Variants in PHACTR2 observed in about 807,000 individuals in gnomAD.
PHACTR2 encodes the protein phosphatase and actin regulator 2, also known as chromosome 6 open reading frame 56.
PHACTR2 carries 30 observed loss-of-function variants against 76.0 expected under a neutral mutation model. That is an observed-to-expected ratio of 0.39 (90% CI 0.30 to 0.54). The LOEUF is 0.54. Among genes scored for constraint, PHACTR2 ranks in the 20% least tolerant of loss-of-function variants. The probability of loss-of-function intolerance (pLI) is 0.61; values close to 1 mark genes in which losing one functional copy is unlikely to be tolerated. For missense variants in PHACTR2, 696 were observed against 781.1 expected (o/e 0.89, Z 1.30); for synonymous variants, 292 against 292.5 (o/e 1.00, Z 0.02).
chr6:143,597,826 G>A lies in PHACTR2; in HGVS notation c.217+60619G>A, dbSNP rs12204353. 6.6e-6 allele frequency among the ~76,000 whole-genome samples: 1 copy of A among 151,904 alleles called. No individual in the cohort carries two copies. Among genetic ancestry groups the A allele is most frequent in the Non-Finnish European group, 1.5e-5 (1 of 67,980 alleles). On this transcript the variant is annotated intron_variant, in intron 1 of 11. Coordinates refer to the PHACTR2 transcript ENST00000367584. This position sits in a 1 kb window ranked among gnomAD's most constrained non-coding sequence, Gnocchi z 5.7. ...TATTGACATTCTTTTTTATAATTTCGCTACCATTTTATCCTGAGAAATTCT... is the reference window on the plus strand; with the variant it reads ...TATTGACATTCTTTTTTATAATTTCACTACCATTTTATCCTGAGAAATTCT...
At chr6:143,638,405 C>T (rs1335243377) in intron 1 of PHACTR2, among the ~76,000 whole-genome samples, 1 of 151,972 alleles carries the variant, frequency 6.6e-6, no homozygotes, top group Non-Finnish European at 1.5e-5. Context: ...ATTAGCTGGG[C>T]ATGGTGGTGC....
In PHACTR2 at chr6:143,793,302, A is replaced by G. The variant is rs1354476444; in HGVS notation, c.1845+4392A>G. ...AATTTTATGTTGAAACAAAAATGGG[A>G]TTTTGTTCTGGACTTCTAGGTTGCA... On this transcript the variant is annotated intron_variant, in intron 11 of 12. Coordinates refer to ENST00000440869, the MANE Select transcript of PHACTR2 (RefSeq NM_001100164.2). This position sits in a 1 kb window ranked among gnomAD's most constrained non-coding sequence, Gnocchi z 4.4. Among the ~76,000 whole-genome samples, 1 of 151,780 alleles carries G rather than the reference A, an allele frequency of 6.6e-6. No homozygotes were observed. The highest frequency in any genetic ancestry group is 1.5e-5 in the Non-Finnish European group (1 of 67,948).
chr6:143,682,672 T>A (rs1181547534), intron 1 of PHACTR2, among the ~76,000 whole-genome samples: 1 of 152,220 alleles, frequency 6.6e-6, no homozygotes, highest in African/African-American at 2.4e-5. Flanking sequence ...ATTTTTTTCT[T>A]ACTTAATAGT....
Position 143,704,622 on chromosome 6 carries a change from C to T in PHACTR2, c.47-7394C>T, listed in dbSNP as rs138141006. On this transcript the variant is annotated intron_variant, in intron 1 of 12. Transcript: ENST00000440869. ...TTATATCAGCATGATACATTTGTTA[C>T]AACCAAGGAACAAACACTGATACTA... 3.4e-3 allele frequency among the ~76,000 whole-genome samples: 511 copies of T among 152,274 alleles called. 1 individual carries two copies. Among genetic ancestry groups the T allele is most frequent in the Non-Finnish European group, 5.8e-3 (392 of 68,016 alleles).
At chr6:143,815,758 G>T (rs1776282412) in intron 12 of PHACTR2, among the ~76,000 whole-genome samples, 1 of 152,034 alleles carries the variant, frequency 6.6e-6, no homozygotes, top group African/African-American at 2.4e-5. Context: ...CGGGCATGGT[G>T]GTGCATGCCT....
intron 1 of PHACTR2, among the ~76,000 whole-genome samples, chr6:143,626,763 CA>C (rs1428844011): frequency 6.6e-6 from 1 of 152,022 alleles, no homozygotes; most frequent in Non-Finnish European, 1.5e-5. Flanking sequence ...CTATGTACAC[CA>C]GGGGCATGAT....
Position 143,777,288 on chromosome 6 carries a change from C to G in PHACTR2, c.1590-40C>G, listed in dbSNP as rs1775305387. The G allele has an allele frequency of 8.7e-7, 1 of 1,153,834 alleles. No individual in the cohort carries two copies. Among genetic ancestry groups the G allele is most frequent in the African/African-American group, 1.6e-5 (1 of 64,440 alleles). 71.5% of individuals were successfully genotyped at this position (1,153,834 alleles called of 1,614,324 possible). A position where few individuals can be genotyped will look rare whatever the true frequency, so the allele number is the denominator to read the frequency against. ...TATTCTGAGTCTCCTACTAGGGTAC[C>G]TTGTTTTTAACCTGTAATATATCCT... On this transcript the variant is annotated intron_variant, in intron 8 of 12. Coordinates refer to ENST00000440869, the MANE Select transcript of PHACTR2 (RefSeq NM_001100164.2). This position sits in a 1 kb window ranked among gnomAD's most constrained non-coding sequence, Gnocchi z 4.6.
chr6:143,747,336 T>C (rs1779088438), intron 2 of PHACTR2, among the ~76,000 whole-genome samples: 1 of 152,210 alleles, frequency 6.6e-6, no homozygotes, highest in Non-Finnish European at 1.5e-5. Flanking sequence ...CTGTGGCACA[T>C]GCAATTAGCA....
rs1777298440 is a variant in PHACTR2, at chr6:143,678,277, CAGG to C, written c.46+69_46+71del. 3 of 1,369,050 alleles carry C rather than the reference CAGG, an allele frequency of 2.2e-6. No homozygotes were observed. In the South Asian group the frequency reaches 5.1e-5, roughly 23 times the overall value. The allele number at this position is 1,369,050 out of a possible 1,614,324, so 84.8% of individuals were successfully genotyped here. On this transcript the variant is annotated intron_variant, in intron 1 of 12. Coordinates refer to ENST00000440869, the MANE Select transcript of PHACTR2 (RefSeq NM_001100164.2). This position sits in a 1 kb window ranked among gnomAD's most constrained non-coding sequence, Gnocchi z 6.2. ...CAGGGCTGGCGGCGGGGCCCCGGGG[CAGG>C]CAGGGTTAGTCGTCTGGTCGGGTTC...
chr6:143,813,592 T>G, intron 12 of PHACTR2, among the ~76,000 whole-genome samples: 1 of 120,336 alleles, frequency 8.3e-6, no homozygotes, highest in East Asian at 2.4e-4. Context: ...CACTCCAGCC[T>G]GGGCAACAGA....
intron 2 of PHACTR2, among the ~76,000 whole-genome samples, chr6:143,717,412 A>T (rs1221724368): frequency 6.6e-6 from 1 of 152,216 alleles, no homozygotes; most frequent in Non-Finnish European, 1.5e-5. Context: ...TACGTAAAGT[A>T]TTTAAGGGCA....
chr6:143,665,291 G>T (rs1436704189), intron 1 of PHACTR2, among the ~76,000 whole-genome samples: 1 of 152,138 alleles, frequency 6.6e-6, no homozygotes, highest in African/African-American at 2.4e-5. Context: ...CTTAAAGTGG[G>T]ATTTGCCTTT....
chr6:143,716,150 A>G (rs1174491995), intron 2 of PHACTR2, among the ~76,000 whole-genome samples: 1 of 152,206 alleles, frequency 6.6e-6, no homozygotes, highest in Non-Finnish European at 1.5e-5. Flanking sequence ...TGACTTTACA[A>G]GTATCAAGCC....
chr6:143,679,565 C>T lies in PHACTR2; in HGVS notation c.46+1356C>T, dbSNP rs1056117097. Among the ~76,000 whole-genome samples, 2 of 151,836 alleles carry T rather than the reference C, an allele frequency of 1.3e-5. No homozygotes were observed. Among genetic ancestry groups the T allele is most frequent in the East Asian group, 1.9e-4 (1 of 5,198 alleles). ...TTATATTTTTACATTTGTGCACCGG[C>T]GAAGATAGAATTAAATCTGTACTCC... On this transcript the variant is annotated intron_variant, in intron 1 of 12. Coordinates refer to ENST00000440869, the MANE Select transcript of PHACTR2 (RefSeq NM_001100164.2). The surrounding 1 kb of genome is among the most constrained non-coding windows in gnomAD (Gnocchi z 4.6).
At chr6:143,587,270 G>C (rs59376506) in intron 1 of PHACTR2, among the ~76,000 whole-genome samples, 232 of 152,124 alleles carry the variant, frequency 1.5e-3, no homozygotes, top group African/African-American at 5.1e-3. Flanking sequence ...ATGAATCTTC[G>C]GCCAACAACT....
At chr6:143,711,312 A>C (rs994051081) in intron 1 of PHACTR2, among the ~76,000 whole-genome samples, 13 of 152,236 alleles carry the variant, frequency 8.5e-5, no homozygotes, top group Non-Finnish European at 1.3e-4. Context: ...TTGGTGTAAC[A>C]TAAGTCATTG....
In PHACTR2 at chr6:143,581,646, A is replaced by G. The variant is rs985410756; in HGVS notation, c.217+44439A>G. On this transcript the variant is annotated intron_variant, in intron 1 of 11. Transcript: ENST00000367584. The surrounding 1 kb of genome is among the most constrained non-coding windows in gnomAD (Gnocchi z 4.5). ...GGAGTTTGAGACCAGGCTGGGCAAC[A>G]TGATGAAACCCTGTCTCTACCAAAA... Among the ~76,000 whole-genome samples the G allele has an allele frequency of 2.4e-4, 36 of 152,182 alleles. No homozygotes were observed. Among genetic ancestry groups the G allele is most frequent in the Admixed American group, 2.2e-3 (34 of 15,282 alleles).
chr6:143,724,256 C>T (rs888719991), intron 2 of PHACTR2, among the ~76,000 whole-genome samples: 2 of 152,114 alleles, frequency 1.3e-5, no homozygotes, highest in East Asian at 1.9e-4. Context: ...CTCAGCCTCC[C>T]GAGTAGGTGG....
intron 1 of PHACTR2, among the ~76,000 whole-genome samples, chr6:143,668,625 T>C (rs992401711): frequency 6.6e-6 from 1 of 151,996 alleles, no homozygotes; most frequent in African/African-American, 2.4e-5. Context: ...TGTACAGGAA[T>C]TTATCTATTT....
Sources: allele counts gnomAD v4.1 joint callset (sites outside exome capture counted in the v4.1 genomes callset), GRCh38; gene constraint gnomAD v4.1.1; non-coding constraint Gnocchi (gnomAD v3.1); transcripts MANE v1.5; gene names NCBI Gene and HGNC (gene_info 2026-07-23, HGNC 2026-07-21).